Variants in CEP83 observed in about 807,000 individuals in gnomAD.
CEP83 encodes centrosomal protein of 83 kDa.
In CEP83, 70 loss-of-function variants were observed where a neutral mutation model predicts 101.9. The observed-to-expected ratio is 0.69, with a 90% CI of 0.57 to 0.84. The LOEUF (loss-of-function observed/expected upper bound fraction) is 0.84. CEP83 is among the 40% of genes least tolerant of loss of function. The pLI is 0.00. For synonymous variants in CEP83, 264 were observed against 267.9 expected (o/e 0.99, Z 0.14); for missense variants, 715 against 787.2 (o/e 0.91, Z 1.10).
At chr12:94,330,250 C>A (rs928162577) in intron 14 of CEP83, among the ~76,000 whole-genome samples, 14 of 152,044 alleles carry the variant, frequency 9.2e-5, no homozygotes, top group Non-Finnish European at 1.8e-4. Flanking sequence ...CAACTCAAAT[C>A]ATTTGTGGGA....
At chr12:94,323,418 C>T (rs1157940324) in intron 14 of CEP83, among the ~76,000 whole-genome samples, 4 of 152,022 alleles carry the variant, frequency 2.6e-5, no homozygotes, top group South Asian at 2.1e-4. Context: ...AAGCGTGGGT[C>T]GCTGGGGTCA....
At chr12:94,333,417 C>A in intron 13 of CEP83, 65 bp downstream of exon 13, 2 of 1,390,580 alleles carry the variant, frequency 1.4e-6, no homozygotes, top group South Asian at 1.3e-5. Context: ...GGAATCATTA[C>A]TAAAATAAGT....
intron 12 of CEP83, among the ~76,000 whole-genome samples, chr12:94,333,974 T>A (rs1455865170): frequency 2.0e-5 from 3 of 151,394 alleles, no homozygotes; most frequent in Non-Finnish European, 2.9e-5. Flanking sequence ...TTAGAGTGAG[T>A]CTCCTACCAC....
intron 1 of CEP83, among the ~76,000 whole-genome samples, chr12:94,453,085 T>G (rs188719252): frequency 1.6e-4 from 25 of 152,322 alleles, no homozygotes; most frequent in South Asian, 2.1e-4. Flanking sequence ...CAATTTCCAT[T>G]TAATCAATAA....
At chr12:94,344,287 T>C (rs1297068775) in intron 11 of CEP83, among the ~76,000 whole-genome samples, 5 of 152,322 alleles carry the variant, frequency 3.3e-5, no homozygotes, top group African/African-American at 1.2e-4. Context: ...CTATATAATT[T>C]ATGGGATACA....
chr12:94,277,805 C>T, the CEP83 span: 1 of 372,544 alleles, frequency 2.7e-6, no homozygotes, highest in South Asian at 2.0e-5. Flanking sequence ...CCTTTCCCAG[C>T]AGCCTGGCCC....
At chr12:94,298,510 AGTTT>A in the CEP83 span, 2 of 794,690 alleles carry the variant, frequency 2.5e-6, no homozygotes, top group African/African-American at 3.5e-5. Context: ...TTTTCTCTTC[AGTTT>A]GTTTTTCCCT....
upstream of CEP83, chr12:94,460,216 T>C (rs1305554531): frequency 6.6e-6 from 1 of 152,474 alleles, no homozygotes; most frequent in African/African-American, 2.4e-5. Context: ...GTCTGAGTGA[T>C]GCGCGTCGTT....
chr12:94,304,593 T>A (rs955089303), downstream of CEP83, among the ~76,000 whole-genome samples: 9 of 152,122 alleles, frequency 5.9e-5, no homozygotes, highest in African/African-American at 1.9e-4. Context: ...CCTTCCCTGA[T>A]TCCCCCCCAA....
At chr12:94,331,928 A>G in intron 13 of CEP83, 99 bp from the exon 14 acceptor site, 1 of 1,100,796 alleles carries the variant, frequency 9.1e-7, no homozygotes, top group Non-Finnish European at 1.3e-6. Flanking sequence ...CTGTCTGACC[A>G]CATTCTTAAT....
chr12:94,297,343 G>A, the CEP83 span: 2 of 1,614,066 alleles, frequency 1.2e-6, no homozygotes, highest in Admixed American at 1.7e-5. Flanking sequence ...AGCATTCCAA[G>A]ATGTGCAAGG....
At chr12:94,456,385 T>C (rs1302242700) in intron 1 of CEP83, among the ~76,000 whole-genome samples, 1 of 152,240 alleles carries the variant, frequency 6.6e-6, no homozygotes, top group Non-Finnish European at 1.5e-5. Flanking sequence ...ACAACCTTAC[T>C]TTCATGATAC....
rs76774760 is a variant in CEP83, at chr12:94,355,927, G to A, written c.1343+11867C>T. 2.1e-3 allele frequency among the ~76,000 whole-genome samples: 327 copies of A among 152,312 alleles called. 1 individual carries two copies. Among genetic ancestry groups the A allele is most frequent in the African/African-American group, 7.4e-3 (307 of 41,564 alleles). ...TGACTGGTTTGCTGTTAATAAATAT[G>A]TGGGTAAATCTCTGTTCAGGGCTCT... On this transcript the variant is annotated intron_variant, in intron 11 of 16. Coordinates refer to ENST00000397809, the MANE Select transcript of CEP83 (RefSeq NM_016122.3).
chr12:94,308,806 A>G lies in CEP83; in HGVS notation c.*7T>C, dbSNP rs750357672. ...ACCTCTTTTGATCTGCCTGTTCTCC[A>G]AGAACATCATTCTCCGGAAGATCCA... On this transcript the variant is annotated 3_prime_UTR_variant, in exon 17 of 17. Transcript: ENST00000397809. The G allele has an allele frequency of 1.9e-6, 3 of 1,582,444 alleles. No homozygotes were observed. Among genetic ancestry groups the G allele is most frequent in the African/African-American group, 1.3e-5 (1 of 74,362 alleles).
intron 14 of CEP83, among the ~76,000 whole-genome samples, chr12:94,319,121 C>T (rs1971190700): frequency 6.6e-6 from 1 of 152,148 alleles, no homozygotes; most frequent in African/African-American, 2.4e-5. Context: ...TCAACTTCTT[C>T]CTGGTTCTAT....
intron 6 of CEP83, among the ~76,000 whole-genome samples, chr12:94,390,209 T>A (rs1273436897): frequency 6.6e-6 from 1 of 152,144 alleles, no homozygotes; most frequent in Non-Finnish European, 1.5e-5. Flanking sequence ...GAGACACCTC[T>A]CAGTAGGGGC....
chr12:94,360,367 T>C (rs776815538), intron 11 of CEP83, among the ~76,000 whole-genome samples: 13 of 152,012 alleles, frequency 8.6e-5, no homozygotes, highest in Admixed American at 4.6e-4. Context: ...ATCTTATATA[T>C]AGAAAAACCT....
intron 4 of CEP83, among the ~76,000 whole-genome samples, chr12:94,406,065 G>T (rs553565693): frequency 5.6e-4 from 85 of 152,252 alleles, no homozygotes; most frequent in African/African-American, 1.8e-3. Context: ...GTTTCATAAA[G>T]AAATTGTTAT....
chr12:94,339,811 A>G (rs890563178), intron 11 of CEP83, among the ~76,000 whole-genome samples: 2 of 152,252 alleles, frequency 1.3e-5, no homozygotes, highest in South Asian at 4.1e-4. Flanking sequence ...CTGAAAGAAT[A>G]TAAGAACCCA....
Sources: gnomAD v4.1 joint callset for allele counts (sites outside exome capture counted in the v4.1 genomes callset) on GRCh38, gnomAD v4.1.1 for gene constraint, MANE v1.5 for transcripts, NCBI Gene and HGNC (gene_info 2026-07-23, HGNC 2026-07-21) for gene names.